The following STK32C variants were observed in gnomAD, a reference collection of about 807,000 sequenced individuals.
STK32C encodes serine/threonine-protein kinase 32C.
A neutral mutation model predicts 56.5 loss-of-function variants in STK32C; 31 were observed. That is an observed-to-expected ratio of 0.55 (90% CI 0.41 to 0.74). The LOEUF (loss-of-function observed/expected upper bound fraction) is 0.74, where lower values mean the gene tolerates loss of function less well. Among genes scored for constraint, STK32C ranks in the 30% least tolerant of loss-of-function variants. STK32C has a pLI of 0.00. For synonymous variants in STK32C, 309 were observed against 289.4 expected (o/e 1.07, Z -0.69); for missense variants, 544 against 676.9 (o/e 0.80, Z 2.18).
chr10:132,273,308 C>G (rs1012217419), intron 1 of STK32C, among the ~76,000 whole-genome samples: 2 of 152,084 alleles, frequency 1.3e-5, no homozygotes, highest in African/African-American at 4.8e-5. Context: ...TGTGAACGGG[C>G]TCTAAGTCCC....
At chr10:132,251,367 C>G (rs1266949015) in intron 1 of STK32C, among the ~76,000 whole-genome samples, 1 of 152,218 alleles carries the variant, frequency 6.6e-6, no homozygotes, top group Non-Finnish European at 1.5e-5. Flanking sequence ...GGAAGCCGGA[C>G]AGGCTCCCAG....
At chr10:132,312,119 A>T (rs1052612840), upstream of STK32C, among the ~76,000 whole-genome samples, 2 of 152,038 alleles carry the variant, frequency 1.3e-5, no homozygotes, top group African/African-American at 4.8e-5. Context: ...CGATCCTCCC[A>T]TCTCAGGCTC....
chr10:132,222,973 T>C lies in STK32C; in HGVS notation c.1007A>G (p.Asn336Ser), dbSNP rs1431842773. The change falls in exon 9 of 12, where the codon AAC becomes AGC. Residue 336 changes from asparagine (N) to serine (S), a missense_variant. Around this residue, in one of 3 missense-constraint regions of STK32C, gnomAD observed 277 missense variants for 309.3 expected, o/e 0.90. Coordinates refer to ENST00000298630, the MANE Select transcript of STK32C (RefSeq NM_173575.4). ...VALLRKLLTV[N>S]PEHRLSSLQD... is the part of the protein sequence containing the mutation. Reference sequence around the variant, plus strand: ...GAGGCTGGAGAGCCGGTGCTCGGGGTTCACAGTGAGGAGCTGCAACCAGGC... The same window carrying C: ...GAGGCTGGAGAGCCGGTGCTCGGGGCTCACAGTGAGGAGCTGCAACCAGGC... 6.5e-7 allele frequency: 1 copy of C among 1,549,886 alleles called. No homozygotes were observed. The highest frequency in any genetic ancestry group is 8.7e-7 in the Non-Finnish European group (1 of 1,151,726).
chr10:132,301,994 G>A (rs530457302), intron 1 of STK32C, among the ~76,000 whole-genome samples: 42 of 152,352 alleles, frequency 2.8e-4, no homozygotes, highest in Non-Finnish European at 5.1e-4. Flanking sequence ...GGCACCGCCT[G>A]GGGCCGGCTG....
At chr10:132,233,357 T>C (rs1198988406) in intron 2 of STK32C, among the ~76,000 whole-genome samples, 1 of 152,198 alleles carries the variant, frequency 6.6e-6, no homozygotes, top group African/African-American at 2.4e-5. Flanking sequence ...AGCTGTTCTC[T>C]TGACGTCCCT....
At chr10:132,215,119 A>G (rs1018787330) in intron 10 of STK32C, among the ~76,000 whole-genome samples, 1 of 152,172 alleles carries the variant, frequency 6.6e-6, no homozygotes, top group Admixed American at 6.5e-5. Context: ...CCTGGGCTCA[A>G]GCAATCCTAC....
At chr10:132,325,970 C>G (rs540132624) in intron 1 of STK32C, among the ~76,000 whole-genome samples, 1 of 152,266 alleles carries the variant, frequency 6.6e-6, no homozygotes, top group South Asian at 2.1e-4. Flanking sequence ...ACCTGCCCGC[C>G]TTGGCTTCCC....
Position 132,225,527 on chromosome 10 carries a change from C to G in STK32C, c.772G>C (p.Ala258Pro), listed in dbSNP as rs1338160187. ...ATCTGGAACCCCAGCTCGGGCTCAC[C>G]CATGTACGGCTTGGTGCCTGCTAAT... Reference protein sequence around the residue: ...TALAGTKPYMAPEIFHSFVNG... With the variant: ...TALAGTKPYMPPEIFHSFVNG... Residue 258 changes from alanine (A) to proline (P), a missense_variant and splice_region_variant, in exon 6 of 12, where the codon GCT (alanine) becomes CCT (proline). Physicochemically the swap from Ala to Pro is conservative, Grantham distance 27. Transcript: ENST00000298630. The G allele has an allele frequency of 6.2e-7, 1 of 1,613,726 alleles. No homozygotes were observed. The highest frequency in any genetic ancestry group is 1.3e-5 in the African/African-American group (1 of 74,942).
intron 1 of STK32C, chr10:132,330,136 T>C: frequency 2.9e-6 from 1 of 340,720 alleles, no homozygotes; most frequent in Non-Finnish European, 5.6e-6. Context: ...AGGCTACCAA[T>C]GGATACAATC....
At chr10:132,270,693 C>T (rs2064789445) in intron 1 of STK32C, among the ~76,000 whole-genome samples, 2 of 152,192 alleles carry the variant, frequency 1.3e-5, no homozygotes, top group South Asian at 4.1e-4. Context: ...CAACCAGACA[C>T]CCCTCCCTCC....
downstream of STK32C, among the ~76,000 whole-genome samples, chr10:132,319,110 G>T (rs779286064): frequency 6.6e-6 from 1 of 151,988 alleles, no homozygotes; most frequent in African/African-American, 2.4e-5. Flanking sequence ...CATCACACTC[G>T]GCTAGTTTTT....
At chr10:132,312,841 A>C (rs1315658087), upstream of STK32C, among the ~76,000 whole-genome samples, 4 of 152,170 alleles carry the variant, frequency 2.6e-5, no homozygotes, top group Non-Finnish European at 5.9e-5. Flanking sequence ...GGAGTTCGAG[A>C]CCAGCCTGGC....
chr10:132,296,143 G>A (rs2065740764), intron 1 of STK32C, among the ~76,000 whole-genome samples: 1 of 150,042 alleles, frequency 6.7e-6, no homozygotes, highest in Non-Finnish European at 1.5e-5. Context: ...CCTCCCAAAG[G>A]CCCATAATCC....
chr10:132,229,498 A>G (rs962152972), intron 2 of STK32C, among the ~76,000 whole-genome samples: 1 of 152,236 alleles, frequency 6.6e-6, no homozygotes, highest in African/African-American at 2.4e-5. Context: ...CCTGTCTCTA[A>G]AAAAATTAAG....
intron 1 of STK32C, among the ~76,000 whole-genome samples, chr10:132,306,134 GC>G (rs1234217151): frequency 6.6e-6 from 1 of 152,166 alleles, no homozygotes; most frequent in African/African-American, 2.4e-5. Flanking sequence ...GCTGAAGGCA[GC>G]CCAGTGCCAC....
In STK32C at chr10:132,288,142, C is replaced by T. The variant is rs553309197; in HGVS notation, c.262+19430G>A. On this transcript the variant is annotated intron_variant, in intron 1 of 11. Transcript: ENST00000298630. ...AGCAAATAGTGCTGGACCATAAAAA[C>T]ATCCAGATTATAAAAAGGAGAAGAG... 2.9e-4 allele frequency among the ~76,000 whole-genome samples: 44 copies of T among 152,070 alleles called. 1 individual carries two copies. Among genetic ancestry groups the T allele is most frequent in the African/African-American group, 9.9e-4 (41 of 41,470 alleles).
intron 1 of STK32C, among the ~76,000 whole-genome samples, chr10:132,296,304 C>A (rs1164251235): frequency 6.6e-6 from 1 of 151,896 alleles, no homozygotes; most frequent in African/African-American, 2.4e-5. Context: ...AACACGGGAT[C>A]TTGGGACAGA....
chr10:132,270,450 T>C (rs537124725), intron 1 of STK32C, among the ~76,000 whole-genome samples: 1 of 152,290 alleles, frequency 6.6e-6, no homozygotes, highest in Admixed American at 6.5e-5. Flanking sequence ...GAAGCTGGAA[T>C]TGGCGAGAGC....
At position 132,222,645 on chromosome 10, in the gene STK32C, T is replaced by C; in HGVS notation, c.1247A>G (p.Gln416Arg). Reference sequence around the variant, plus strand: ...TGAGCCTGCCCTGGCACTCACGGACTGGGAGCTGTCCCTGCTGTTGTCCCG... The same window carrying C: ...TGAGCCTGCCCTGGCACTCACGGACCGGGAGCTGTCCCTGCTGTTGTCCCG... ...KSRDNSRDSS[Q>R]SENDYLQDCL... The change falls in exon 10 of 12, where the codon CAG (glutamine) becomes CGG (arginine). Residue 416 changes from glutamine to arginine, a missense_variant. Transcript: ENST00000298630. 1 of 1,612,506 alleles carries C rather than the reference T, an allele frequency of 6.2e-7. No individual in the cohort carries two copies. The highest frequency in any genetic ancestry group is 8.5e-7 in the Non-Finnish European group (1 of 1,179,914).
Sources: allele counts gnomAD v4.1 joint callset (sites outside exome capture counted in the v4.1 genomes callset), GRCh38; gene constraint gnomAD v4.1.1; regional missense constraint gnomAD v4.1.1; transcripts MANE v1.5; gene names NCBI Gene and HGNC (gene_info 2026-07-23, HGNC 2026-07-21).